IQSEC1: variants seen among roughly 807,000 people sequenced by gnomAD.
IQSEC1 encodes the protein IQ motif and Sec7 domain ArfGEF 1.
In IQSEC1, 31 loss-of-function variants were observed where a neutral mutation model predicts 91.0. That is an observed-to-expected ratio of 0.34 (90% CI 0.26 to 0.46). The LOEUF (loss-of-function observed/expected upper bound fraction) is 0.46, where lower values mean the gene tolerates loss of function less well. Ranked by LOEUF, IQSEC1 falls within the 20% of genes least tolerant of loss-of-function variation. The probability of loss-of-function intolerance (pLI) is 1.00; values close to 1 mark genes in which losing one functional copy is unlikely to be tolerated. For synonymous variants in IQSEC1, 699 were observed against 662.6 expected (o/e 1.05, Z -0.84); for missense variants, 1,388 against 1,575.6 (o/e 0.88, Z 2.02).
Position 13,103,904 on chromosome 3 carries a change from T to C in IQSEC1, c.303-56382A>G, listed in dbSNP as rs1706104909. Among the ~76,000 whole-genome samples, 1 of 152,192 alleles carries C rather than the reference T, an allele frequency of 6.6e-6. No homozygotes were observed. Among genetic ancestry groups the C allele is most frequent in the African/African-American group, 2.4e-5 (1 of 41,432 alleles). ...TTTGCCAAAACTTAGGACATTACCTTTGTGCCAGGTATTCTTCTATTTAAT... is the reference window on the plus strand; with the variant it reads ...TTTGCCAAAACTTAGGACATTACCTCTGTGCCAGGTATTCTTCTATTTAAT... On this transcript the variant is annotated intron_variant, in intron 2 of 15. Transcript: ENST00000648114. The surrounding 1 kb of genome is among the most constrained non-coding windows in gnomAD (Gnocchi z 4.1).
rs567984878 is a variant in IQSEC1, at chr3:13,112,198, G to T, written c.302+51906C>A. Among the ~76,000 whole-genome samples, 13 of 152,320 alleles carry T rather than the reference G, an allele frequency of 8.5e-5. No individual in the cohort carries two copies. In the Middle Eastern group the frequency reaches 0.01, roughly 120 times the overall value. ...TGCAAACACACAGAGGGAGTTAGCG[G>T]CTTCCTCCTGGCCCCTGCTCTAAGT... On this transcript the variant is annotated intron_variant, in intron 2 of 15. Transcript: ENST00000648114.
chr3:13,206,694 G>A (rs1324615244), intron 1 of IQSEC1, among the ~76,000 whole-genome samples: 4 of 152,188 alleles, frequency 2.6e-5, no homozygotes, highest in African/African-American at 9.7e-5. Flanking sequence ...ATGTAAGATG[G>A]ACAGCAGTCA....
chr3:13,101,419 C>CAAAAAAGAAAAAAAAAAAAAAA (rs1706061296), intron 2 of IQSEC1, among the ~76,000 whole-genome samples: 1 of 119,488 alleles, frequency 8.4e-6, no homozygotes, highest in Non-Finnish European at 1.8e-5. Flanking sequence ...ATTCCATCTC[C>CAAAAAAGAAAAAAAAAAAAAAA]AAAAAAAAAA....
intron 1 of IQSEC1, among the ~76,000 whole-genome samples, chr3:13,273,000 A>G (rs542008493): frequency 1.4e-4 from 21 of 152,214 alleles, no homozygotes; most frequent in Non-Finnish European, 2.5e-4. Context: ...ACAGAGAAAG[A>G]AGAAACAATA....
intron 1 of IQSEC1, among the ~76,000 whole-genome samples, chr3:12,955,964 A>T (rs1025466537): frequency 2.0e-5 from 3 of 152,216 alleles, no homozygotes; most frequent in Admixed American, 6.5e-5. Context: ...CTGTGGCCCA[A>T]ACAGTGTTTC....
At chr3:13,164,382 T>C (rs1243655731) in intron 1 of IQSEC1, among the ~76,000 whole-genome samples, 4 of 152,166 alleles carry the variant, frequency 2.6e-5, no homozygotes, top group Non-Finnish European at 5.9e-5. Context: ...CCTGTTTCCA[T>C]CACCTTGACT....
intron 2 of IQSEC1, among the ~76,000 whole-genome samples, chr3:13,106,813 G>C (rs1036642229): frequency 6.6e-6 from 1 of 152,202 alleles, no homozygotes; most frequent in Non-Finnish European, 1.5e-5. Context: ...GTTTTTGGAA[G>C]ATATCATCTC....
chr3:12,986,372 G>A (rs1050248899), intron 1 of IQSEC1, among the ~76,000 whole-genome samples: 1 of 152,216 alleles, frequency 6.6e-6, no homozygotes, highest in African/African-American at 2.4e-5. Context: ...CGGGGGCCAG[G>A]AGCAGAGCCT....
intron 2 of IQSEC1, among the ~76,000 whole-genome samples, chr3:13,146,967 G>C (rs1281895756): frequency 6.6e-6 from 1 of 152,190 alleles, no homozygotes; most frequent in Non-Finnish European, 1.5e-5. Flanking sequence ...GTATCACTGT[G>C]AAGTCACAGC....
chr3:13,272,460 T>C (rs758180144), intron 1 of IQSEC1, among the ~76,000 whole-genome samples: 1 of 152,212 alleles, frequency 6.6e-6, no homozygotes, highest in Non-Finnish European at 1.5e-5. Flanking sequence ...CAGGATCGTC[T>C]GGTGAAAGGG....
chr3:13,052,472 T>G (rs975682518), intron 1 of IQSEC1, among the ~76,000 whole-genome samples: 20 of 152,206 alleles, frequency 1.3e-4, no homozygotes, highest in Non-Finnish European at 2.2e-4. Flanking sequence ...AGTTTCCAGT[T>G]TGGGGGCTGT....
intron 2 of IQSEC1, among the ~76,000 whole-genome samples, chr3:13,085,020 C>T (rs62232933): frequency 0.095 from 14,464 of 151,812 alleles, 851 homozygotes; most frequent in East Asian, 0.26. Flanking sequence ...TGTCCTCGGA[C>T]AGAAAAACAG....
intron 1 of IQSEC1, among the ~76,000 whole-genome samples, chr3:13,181,656 G>A (rs1693846753): frequency 6.6e-6 from 1 of 152,218 alleles, no homozygotes; most frequent in Non-Finnish European, 1.5e-5. Context: ...CAGCATGGCT[G>A]GTGCCATGAC....
intron 1 of IQSEC1, among the ~76,000 whole-genome samples, chr3:12,985,490 TC>T (rs58897746): frequency 0.78 from 111,644 of 143,708 alleles, 42,769 homozygotes; most frequent in East Asian, 0.91. Context: ...TGCTTAACAA[TC>T]CCCCCCCCCC....
chr3:13,033,523 G>GTA (rs1040055148), intron 1 of IQSEC1, among the ~76,000 whole-genome samples: 5 of 151,826 alleles, frequency 3.3e-5, no homozygotes, highest in Admixed American at 2.0e-4. Flanking sequence ...ATATGTATAT[G>GTA]TATATATATA....
intron 1 of IQSEC1, among the ~76,000 whole-genome samples, chr3:13,067,763 T>TGA (rs1705285193): frequency 1.3e-5 from 2 of 152,214 alleles, no homozygotes; most frequent in Non-Finnish European, 2.9e-5. Flanking sequence ...GCAAGGCACT[T>TGA]CCCTGGAAAA....
Position 12,920,503 on chromosome 3 carries a change from G to A in IQSEC1, c.1947C>T (p.Asn649=), listed in dbSNP as rs1330873934. 1.9e-6 allele frequency: 3 copies of A among 1,614,210 alleles called. No individual in the cohort carries two copies. Among genetic ancestry groups the A allele is most frequent in the Non-Finnish European group, 1.7e-6 (2 of 1,180,028 alleles). The change falls in exon 6 of 14, where the codon AAC becomes AAT. Residue 649 remains asparagine, a synonymous_variant. Coordinates refer to ENST00000613206, the MANE Select transcript of IQSEC1 (RefSeq NM_001134382.3). ...FILAFAIILL[N]TDMYSPNVKP... is the part of the protein sequence containing the mutation. Reference sequence around the variant, plus strand: ...TGACATTGGGGCTGTACATGTCGGTGTTCAGCAGGATGATGGCGAAGGCCA... The same window carrying A: ...TGACATTGGGGCTGTACATGTCGGTATTCAGCAGGATGATGGCGAAGGCCA...
intron 1 of IQSEC1, among the ~76,000 whole-genome samples, chr3:13,194,315 G>A (rs576516354): frequency 6.6e-6 from 1 of 152,190 alleles, no homozygotes; most frequent in South Asian, 2.1e-4. Flanking sequence ...CTCCCGGCTG[G>A]GCTGCAGGTT....
chr3:12,936,869 A>G (rs950086608), intron 2 of IQSEC1, among the ~76,000 whole-genome samples, 172 bp from the exon 3 acceptor site: 6 of 152,016 alleles, frequency 3.9e-5, no homozygotes, highest in African/African-American at 9.7e-5. Context: ...ATGAGTCCCA[A>G]GGTCAAACTG....
Sources: allele counts gnomAD v4.1 joint callset (sites outside exome capture counted in the v4.1 genomes callset), GRCh38; gene constraint gnomAD v4.1.1; non-coding constraint Gnocchi (gnomAD v3.1); transcripts MANE v1.5; gene names NCBI Gene and HGNC (gene_info 2026-07-23, HGNC 2026-07-21).